The following MED15 variants were observed in gnomAD, a reference collection of about 807,000 sequenced individuals.
The protein encoded by MED15 is mediator of RNA polymerase II transcription subunit 15.
In MED15, 41 loss-of-function variants were observed where a neutral mutation model predicts 118.7. The ratio of observed to expected loss-of-function variants is 0.35; its 90% CI spans 0.27 to 0.45. MED15 has a LOEUF of 0.45. Ranked by LOEUF, MED15 falls within the 20% of genes least tolerant of loss-of-function variation. The probability of loss-of-function intolerance (pLI) is 1.00; values close to 1 mark genes in which losing one functional copy is unlikely to be tolerated. For missense variants in MED15, 740 were observed against 1,025.5 expected (o/e 0.72, Z 3.80); for synonymous variants, 436 against 413.9 (o/e 1.05, Z -0.65).
chr22:20,513,489 G>A (rs1002963008), intron 1 of MED15, among the ~76,000 whole-genome samples: 18 of 152,184 alleles, frequency 1.2e-4, no homozygotes, highest in Admixed American at 1.2e-3. Flanking sequence ...ATCTTGGTCA[G>A]GCTGGTCTTG....
At position 20,570,746 on chromosome 22, in the gene MED15, C is replaced by CTTTTTTTTTTTTTTTTTTTTTTTTTTT. The variant is rs61109389; in HGVS notation, c.1152+2119_1152+2145dup. On this transcript the variant is annotated intron_variant, in intron 8 of 17. Coordinates refer to ENST00000263205, the MANE Select transcript of MED15 (RefSeq NM_001003891.3). ...TTTTCTTTTCTTTCTTTCTTTCTTT[C>CTTTTTTTTTTTTTTTTTTTTTTTTTTT]TTTTTTTTTTTTTTTTTTTTTTTTT... 1.2e-3 allele frequency among the ~76,000 whole-genome samples: 73 copies of CTTTTTTTTTTTTTTTTTTTTTTTTTTT among 62,110 alleles called. 2 individuals are homozygous for CTTTTTTTTTTTTTTTTTTTTTTTTTTT. Among genetic ancestry groups the CTTTTTTTTTTTTTTTTTTTTTTTTTTT allele is most frequent in the African/African-American group, 1.6e-3 (22 of 13,696 alleles). The allele number at this position is 62,110 out of a possible 152,430, so 40.7% of individuals were successfully genotyped here. A position where few individuals can be genotyped will look rare whatever the true frequency, so the allele number is the denominator to read the frequency against.
chr22:20,555,244 G>T, intron 5 of MED15, 96 bp downstream of exon 5: 6 of 1,264,450 alleles, frequency 4.7e-6, no homozygotes, highest in Non-Finnish European at 5.4e-6. Flanking sequence ...AAAGCATGGA[G>T]AAGCTCCAAA....
chr22:20,546,763 C>T (rs1469132661), intron 2 of MED15, among the ~76,000 whole-genome samples: 2 of 152,042 alleles, frequency 1.3e-5, no homozygotes, highest in Non-Finnish European at 2.9e-5. Context: ...CTAGCAGGAG[C>T]TCCTGTGTCT....
intron 1 of MED15, among the ~76,000 whole-genome samples, chr22:20,513,157 C>G (rs1292735817): frequency 6.6e-6 from 1 of 152,116 alleles, no homozygotes; most frequent in Non-Finnish European, 1.5e-5. Flanking sequence ...ACTGCAGCCT[C>G]AAACTCCTGG....
intron 1 of MED15, among the ~76,000 whole-genome samples, chr22:20,526,068 C>T (rs2054635138): frequency 6.6e-6 from 1 of 151,952 alleles, no homozygotes; most frequent in Non-Finnish European, 1.5e-5. Flanking sequence ...TACAGGCATG[C>T]ACCACTATGA....
chr22:20,587,070 C>T lies in MED15; in HGVS notation c.*366C>T, dbSNP rs1044102720. The T allele has an allele frequency of 4.7e-5, 14 of 299,782 alleles. No homozygotes were observed. In the East Asian group the frequency reaches 5.5e-4, roughly 12 times the overall value. The allele number at this position is 299,782 out of a possible 1,614,324, so 18.6% of individuals were successfully genotyped here. Reference sequence around the variant, plus strand: ...GTTAGAGCGTCTCGTGTGTGCTAGACGCACCCCTACTCGTTCCTATAGAAC... The same window carrying T: ...GTTAGAGCGTCTCGTGTGTGCTAGATGCACCCCTACTCGTTCCTATAGAAC... On this transcript the variant is annotated 3_prime_UTR_variant, in exon 18 of 18. Transcript: ENST00000263205.
intron 2 of MED15, 167 bp from the exon 3 acceptor site, chr22:20,551,269 C>T (rs776743930): frequency 2.2e-5 from 17 of 760,174 alleles, no homozygotes; most frequent in South Asian, 1.8e-4. Flanking sequence ...TGAGCACTGA[C>T]GGCTCTCTTC....
chr22:20,545,627 C>T (rs953302532), intron 2 of MED15, among the ~76,000 whole-genome samples: 6 of 151,934 alleles, frequency 3.9e-5, no homozygotes, highest in African/African-American at 7.3e-5. Flanking sequence ...TTTAATGGAA[C>T]GAGTGAAAAT....
At chr22:20,538,952 C>G (rs1280689601) in intron 2 of MED15, among the ~76,000 whole-genome samples, 3 of 151,554 alleles carry the variant, frequency 2.0e-5, no homozygotes, top group South Asian at 2.1e-4. Context: ...CCGCCCGCCT[C>G]AGCCTCCCAA....
chr22:20,580,846 G>A (rs1156493443), intron 9 of MED15, among the ~76,000 whole-genome samples: 2 of 152,222 alleles, frequency 1.3e-5, no homozygotes, highest in Admixed American at 1.3e-4. Flanking sequence ...AGCAAATGAA[G>A]TCACATCAGT....
intron 1 of MED15, chr22:20,507,981 A>G: frequency 7.0e-7 from 1 of 1,432,370 alleles, no homozygotes; most frequent in Non-Finnish European, 9.1e-7. Context: ...TGGCTTATGA[A>G]TCATCGTCTT....
intron 16 of MED15, 161 bp from the exon 17 acceptor site, chr22:20,585,567 C>A (rs1183023448): frequency 2.2e-5 from 16 of 736,748 alleles, no homozygotes; most frequent in Non-Finnish European, 3.6e-5. Context: ...GCACTCCAGG[C>A]TTCACGTTTG....
Position 20,587,460 on chromosome 22 carries a change from A to ACAGCGGGCCTGG in MED15, c.*766_*777dup, listed in dbSNP as rs959732846. Reference sequence around the variant, plus strand: ...AGCACCACACACTGAGCACCCAGAGACAGCGGGCCTGGCAGCGGGCCGGGC... The same window carrying ACAGCGGGCCTGG: ...AGCACCACACACTGAGCACCCAGAGACAGCGGGCCTGGCAGCGGGCCTGGCAGCGGGCCGGGC... On this transcript the variant is annotated 3_prime_UTR_variant, in exon 18 of 18. Coordinates refer to ENST00000263205, the MANE Select transcript of MED15 (RefSeq NM_001003891.3). 9.9e-5 allele frequency: 20 copies of ACAGCGGGCCTGG among 202,966 alleles called. No individual in the cohort carries two copies. The South Asian group carries it at 2.4e-3, about 24-fold the overall frequency. The allele number at this position is 202,966 out of a possible 1,614,324, so 12.6% of individuals were successfully genotyped here. A position where few individuals can be genotyped will look rare whatever the true frequency, so the allele number is the denominator to read the frequency against.
chr22:20,555,355 TCC>T (rs2055955022), intron 5 of MED15, among the ~76,000 whole-genome samples: 1 of 151,154 alleles, frequency 6.6e-6, no homozygotes, highest in Non-Finnish European at 1.5e-5. Flanking sequence ...TGCTGGGCCC[TCC>T]TCCTCCTCCT....
intron 1 of MED15, 169 bp downstream of exon 1, chr22:20,507,915 C>G (rs1354178879): frequency 6.9e-7 from 1 of 1,453,268 alleles, no homozygotes; most frequent in East Asian, 2.5e-5. Flanking sequence ...CCTCCGTTCC[C>G]GACATGGACT....
intron 5 of MED15, among the ~76,000 whole-genome samples, chr22:20,559,143 G>A (rs1484675957): frequency 3.9e-5 from 6 of 152,028 alleles, no homozygotes; most frequent in African/African-American, 4.8e-5. Flanking sequence ...GGGATAGAAC[G>A]AGACACCATC....
In MED15 at chr22:20,556,585, C is replaced by G. The variant is rs188742300; in HGVS notation, c.451+1437C>G. Among the ~76,000 whole-genome samples the G allele has an allele frequency of 1.7e-4, 26 of 152,254 alleles. No homozygotes were observed. In the East Asian group the frequency reaches 3.9e-3, roughly 23 times the overall value. Reference sequence around the variant, plus strand: ...AAAGTGCTGGGATTACAGACGTGAGCCATCACGCCCAGCCGACTTCATCAG... The same window carrying G: ...AAAGTGCTGGGATTACAGACGTGAGGCATCACGCCCAGCCGACTTCATCAG... On this transcript the variant is annotated intron_variant, in intron 5 of 17. Transcript: ENST00000263205.
intron 9 of MED15, 106 bp from the exon 10 acceptor site, chr22:20,582,505 G>T (rs1332463077): frequency 6.7e-7 from 1 of 1,498,876 alleles, no homozygotes; most frequent in Non-Finnish European, 8.9e-7. Flanking sequence ...ACAGGTGTGT[G>T]GTGAGGCTGT....
At chr22:20,561,795 A>G (rs2056252132) in intron 5 of MED15, among the ~76,000 whole-genome samples, 1 of 152,150 alleles carries the variant, frequency 6.6e-6, no homozygotes, top group South Asian at 2.1e-4. Flanking sequence ...TGGGAGGATC[A>G]CTTGAGCCCA....
Sources: allele counts gnomAD v4.1 joint callset (sites outside exome capture counted in the v4.1 genomes callset), GRCh38; gene constraint gnomAD v4.1.1; transcripts MANE v1.5; gene names NCBI Gene and HGNC (gene_info 2026-07-23, HGNC 2026-07-21).